The following C2orf42 variants were observed in gnomAD, a reference collection of about 807,000 sequenced individuals.
C2orf42 encodes uncharacterized protein C2orf42.
C2orf42 carries 44 observed loss-of-function variants against 58.9 expected under a neutral mutation model. The ratio of observed to expected loss-of-function variants is 0.75; its 90% confidence interval spans 0.59 to 0.96. The LOEUF (loss-of-function observed/expected upper bound fraction) is 0.96, where lower values mean the gene tolerates loss of function less well. C2orf42 is among the 40% of genes least tolerant of loss of function. The probability of loss-of-function intolerance (pLI) is 0.00; values close to 1 mark genes in which losing one functional copy is unlikely to be tolerated. For synonymous variants in C2orf42, 239 were observed against 265.4 expected, an observed-to-expected ratio of 0.90 and a Z score of 0.97; for missense variants, 630 against 699.2, an observed-to-expected ratio of 0.90 and a Z score of 1.12.
chr2:70,160,736 C>T lies in C2orf42; in HGVS notation c.1405G>A (p.Glu469Lys). The T allele has an allele frequency of 6.2e-7, 1 of 1,611,644 alleles. No homozygotes were observed. The highest frequency in any genetic ancestry group is 2.2e-5 in the East Asian group (1 of 44,664). The change falls in exon 9 of 10, where the codon GAG becomes AAG. Residue 469 changes from glutamate (E) to lysine (K), a missense_variant. Physicochemically the swap from Glu to Lys is moderately conservative, Grantham distance 56 (BLOSUM62 1). Transcript: ENST00000264434. ...SFIQNRDGTY[E>K]LFKCPKVEVE... ...TCCACTTTAGGGCATTTAAATAGCT[C>T]ATAAGTCCCATCTCGGTTCTGGATA... is the stretch of plus-strand genomic sequence containing the variant.
chr2:70,159,468 A>C (rs1672918009), intron 9 of C2orf42, among the ~76,000 whole-genome samples: 1 of 150,922 alleles, frequency 6.6e-6, no homozygotes, highest in African/African-American at 2.4e-5. Context: ...GGCGCCTGTA[A>C]TCCCAGCTAC....
At chr2:70,183,421 C>T (rs1266335834) in intron 1 of C2orf42, among the ~76,000 whole-genome samples, 3 of 151,838 alleles carry the variant, frequency 2.0e-5, no homozygotes, top group Non-Finnish European at 4.4e-5. Flanking sequence ...AGAGCAGGAC[C>T]CCATCTCTTT....
chr2:70,182,105 T>C (rs1400312257), intron 2 of C2orf42, 108 bp from the exon 3 acceptor site: 1 of 626,850 alleles, frequency 1.6e-6, no homozygotes, highest in Non-Finnish European at 2.7e-6. Context: ...AGCTATCTAC[T>C]ATTTTTTTTT....
Position 70,169,584 on chromosome 2 carries a change from G to A in C2orf42, c.1117C>T (p.His373Tyr). The change falls in exon 6 of 10, where the codon CAT (histidine) becomes TAT (tyrosine). Residue 373 changes from histidine to tyrosine, a missense_variant. By Grantham distance (83) the His-to-Tyr change is moderately conservative. Coordinates refer to ENST00000264434, the MANE Select transcript of C2orf42 (RefSeq NM_017880.3). The part of the protein sequence containing the change: ...DWLASVTERI[H>Y]QTMHYQFDGK... Reference sequence around the variant, plus strand: ...TCAAACTGATAGTGCATGGTTTGATGGATGCGTTCTGTGACACTGGCCAGC... The same window carrying A: ...TCAAACTGATAGTGCATGGTTTGATAGATGCGTTCTGTGACACTGGCCAGC... 6.2e-6 allele frequency: 10 copies of A among 1,600,178 alleles called. No individual in the cohort carries two copies. The highest frequency in any genetic ancestry group is 8.6e-6 in the Non-Finnish European group (10 of 1,167,574).
At chr2:70,176,013 C>T (rs536097036) in intron 4 of C2orf42, among the ~76,000 whole-genome samples, 10 of 152,246 alleles carry the variant, frequency 6.6e-5, no homozygotes, top group African/African-American at 2.4e-4. Context: ...ACTTATTGCT[C>T]CCACCTGTCA....
chr2:70,162,296 C>A (rs1673100735), intron 8 of C2orf42, among the ~76,000 whole-genome samples: 1 of 150,488 alleles, frequency 6.6e-6, no homozygotes. Context: ...CAGGCATGAG[C>A]CACCTCGCCA....
chr2:70,187,892 T>C (rs1402813202), intron 1 of C2orf42, among the ~76,000 whole-genome samples: 11 of 152,086 alleles, frequency 7.2e-5, no homozygotes, highest in Non-Finnish European at 1.3e-4. Context: ...GGTTTCACCA[T>C]GTTGGCCAGG....
At chr2:70,178,415 T>C (rs1393778109) in intron 4 of C2orf42, among the ~76,000 whole-genome samples, 1 of 151,794 alleles carries the variant, frequency 6.6e-6, no homozygotes, top group Non-Finnish European at 1.5e-5. Context: ...AAGACCAGCC[T>C]GGCCAACATG....
At chr2:70,180,702 G>A (rs1573027564) in intron 3 of C2orf42, among the ~76,000 whole-genome samples, 1 of 150,316 alleles carries the variant, frequency 6.7e-6, no homozygotes, top group Admixed American at 6.7e-5. Flanking sequence ...TGCTGACTGA[G>A]ACTGAAAGAA....
At chr2:70,155,020 C>G (rs745919247) in intron 9 of C2orf42, among the ~76,000 whole-genome samples, 2 of 151,742 alleles carry the variant, frequency 1.3e-5, no homozygotes, top group Non-Finnish European at 2.9e-5. Context: ...CCAAGGCGGG[C>G]AGATCACAAG....
At chr2:70,180,635 A>G (rs1674495193) in intron 3 of C2orf42, among the ~76,000 whole-genome samples, 1 of 146,648 alleles carries the variant, frequency 6.8e-6, no homozygotes, top group African/African-American at 2.5e-5. Flanking sequence ...AAAAAAATCA[A>G]GAGATTCTGT....
rs1386107757 is a variant in C2orf42 at position 70,181,747 on chromosome 2, CTT to C, written c.237_238del (p.Asp81ProfsTer4). 1 of 1,614,074 alleles carries C rather than the reference CTT, an allele frequency of 6.2e-7. No individual in the cohort carries two copies. Among genetic ancestry groups the C allele is most frequent in the Non-Finnish European group, 8.5e-7 (1 of 1,180,044 alleles). ...GCATCGGTAATCAGGGCCCCGGTCT[CTT>C]TGCCGCACTGAGTAGACCTGAAGAT... On this transcript the variant is annotated frameshift_variant, in exon 3 of 10. Transcript: ENST00000264434. LOFTEE classifies it high-confidence loss of function.
At chr2:70,182,039 C>G in intron 2 of C2orf42, 42 bp from the exon 3 acceptor site, 1 of 882,128 alleles carries the variant, frequency 1.1e-6, no homozygotes, top group Non-Finnish European at 1.8e-6. Context: ...TATACCTTCA[C>G]ACACAAAAAG....
intron 6 of C2orf42, among the ~76,000 whole-genome samples, chr2:70,167,335 G>T (rs1673468737): frequency 6.6e-6 from 1 of 151,620 alleles, no homozygotes; most frequent in Non-Finnish European, 1.5e-5. Flanking sequence ...TCCAGCCTGG[G>T]CGACAGAGTG....
chr2:70,186,682 A>T (rs1194684340), intron 1 of C2orf42, among the ~76,000 whole-genome samples: 2 of 152,230 alleles, frequency 1.3e-5, no homozygotes, highest in East Asian at 3.8e-4. Flanking sequence ...TATTCACAAT[A>T]GCAAAGACTT....
chr2:70,175,792 A>G lies in C2orf42; in HGVS notation c.935-15T>C, dbSNP rs907227687. On this transcript the variant is annotated splice_polypyrimidine_tract_variant and intron_variant, in intron 4 of 9. Coordinates refer to ENST00000264434, the MANE Select transcript of C2orf42 (RefSeq NM_017880.3). ...CATCTGTGCACCTAAACCACAAATCATTACAGGTTTAACAATGTATCTGCT... is the reference window on the plus strand; with the variant it reads ...CATCTGTGCACCTAAACCACAAATCGTTACAGGTTTAACAATGTATCTGCT... The G allele has an allele frequency of 2.1e-6, 3 of 1,461,898 alleles. No individual in the cohort carries two copies. The highest frequency in any genetic ancestry group is 2.9e-6 in the Non-Finnish European group (3 of 1,041,644). 90.6% of individuals were successfully genotyped at this position (1,461,898 alleles called of 1,614,324 possible).
chr2:70,156,772 G>A (rs1210854134), intron 9 of C2orf42, among the ~76,000 whole-genome samples: 2 of 151,650 alleles, frequency 1.3e-5, no homozygotes, highest in Non-Finnish European at 2.9e-5. Flanking sequence ...TGAGGTGGGA[G>A]GATCGCTTGA....
intron 1 of C2orf42, among the ~76,000 whole-genome samples, chr2:70,188,722 A>T (rs1449449020): frequency 6.6e-6 from 1 of 152,112 alleles, no homozygotes; most frequent in Non-Finnish European, 1.5e-5. Context: ...AAGATACCAC[A>T]TTGCATTGAG....
intron 9 of C2orf42, among the ~76,000 whole-genome samples, chr2:70,150,921 A>AT (rs1461622769): frequency 3.9e-5 from 6 of 152,116 alleles, no homozygotes; most frequent in African/African-American, 7.2e-5. Flanking sequence ...AATTTTTTGT[A>AT]TTTTTAGTAG....
Sources: gnomAD v4.1 joint callset for allele counts (sites outside exome capture counted in the v4.1 genomes callset) on GRCh38, gnomAD v4.1.1 for gene constraint, MANE v1.5 for transcripts, NCBI Gene and HGNC (gene_info 2026-07-23, HGNC 2026-07-21) for gene names.